Variants in FHIT observed in about 807,000 individuals in gnomAD.
The protein encoded by FHIT is bis(5'-adenosyl)-triphosphatase.
FHIT carries 19 observed loss-of-function variants against 17.9 expected under a neutral mutation model. The observed-to-expected ratio is 1.06, with a 90% CI of 0.74 to 1.56. FHIT has a LOEUF of 1.56. Among genes scored for constraint, FHIT ranks in the 40% most tolerant of loss-of-function variants. The pLI, the probability that FHIT is intolerant of heterozygous loss-of-function variation, is 0.00. For missense variants in FHIT, 248 were observed against 189.2 expected (o/e 1.31, Z -1.82); for synonymous variants, 81 against 69.7 (o/e 1.16, Z -0.81).
At chr3:60,954,257 T>C (rs1419198101) in intron 3 of FHIT, among the ~76,000 whole-genome samples, 2 of 152,256 alleles carry the variant, frequency 1.3e-5, no homozygotes, top group South Asian at 4.1e-4. Flanking sequence ...GTTATTTATA[T>C]ACTATCATAT....
At chr3:61,148,800 A>G (rs1200036615) in intron 2 of FHIT, among the ~76,000 whole-genome samples, 1 of 152,318 alleles carries the variant, frequency 6.6e-6, no homozygotes, top group East Asian at 1.9e-4. Context: ...TTTTAACAGT[A>G]TATTTAAAAA....
chr3:60,562,366 A>C (rs779916542), intron 4 of FHIT, among the ~76,000 whole-genome samples: 1 of 152,152 alleles, frequency 6.6e-6, no homozygotes, highest in Non-Finnish European at 1.5e-5. Context: ...GGATAATGCC[A>C]TTGAGAGTGA....
At chr3:60,777,630 A>G (rs1553724790) in intron 4 of FHIT, among the ~76,000 whole-genome samples, 1 of 152,266 alleles carries the variant, frequency 6.6e-6, no homozygotes, top group Non-Finnish European at 1.5e-5. Flanking sequence ...GGGATTCTCT[A>G]TAAAATGTGG....
chr3:60,506,773 G>A (rs1289106512), intron 5 of FHIT, among the ~76,000 whole-genome samples: 1 of 152,152 alleles, frequency 6.6e-6, no homozygotes, highest in Non-Finnish European at 1.5e-5. Context: ...AGACAATGGA[G>A]CAGACCCAAA....
chr3:60,681,586 G>A (rs559253580), intron 4 of FHIT, among the ~76,000 whole-genome samples: 1 of 152,270 alleles, frequency 6.6e-6, no homozygotes, highest in South Asian at 2.1e-4. Context: ...GCCAAGTTGT[G>A]AATGCAAAGG....
intron 2 of FHIT, among the ~76,000 whole-genome samples, chr3:61,048,898 T>A (rs1382037062): frequency 6.6e-6 from 1 of 151,988 alleles, no homozygotes; most frequent in African/African-American, 2.4e-5. Flanking sequence ...AACCGCATGT[T>A]CTCACTCATA....
chr3:61,146,217 G>T (rs2037222045), intron 2 of FHIT, among the ~76,000 whole-genome samples: 1 of 151,988 alleles, frequency 6.6e-6, no homozygotes, highest in Admixed American at 6.6e-5. Context: ...AAACTCTTCT[G>T]CCTAGCATTA....
chr3:60,785,559 G>C (rs1449632459), intron 4 of FHIT, among the ~76,000 whole-genome samples: 1 of 152,148 alleles, frequency 6.6e-6, no homozygotes, highest in African/African-American at 2.4e-5. Context: ...GTTGACCTTG[G>C]TGTCCTCTAA....
At chr3:60,118,698 A>G (rs938074461) in intron 5 of FHIT, among the ~76,000 whole-genome samples, 1 of 148,522 alleles carries the variant, frequency 6.7e-6, no homozygotes, top group African/African-American at 2.5e-5. Flanking sequence ...GCAATAAACT[A>G]GAAGTTAGTA....
chr3:60,075,316 C>G (rs1241273490), intron 5 of FHIT, among the ~76,000 whole-genome samples: 2 of 152,008 alleles, frequency 1.3e-5, no homozygotes, highest in Non-Finnish European at 2.9e-5. Context: ...TGTGACAGTA[C>G]AGTTCCTCAG....
At chr3:60,394,002 G>A (rs1379727433) in intron 5 of FHIT, among the ~76,000 whole-genome samples, 2 of 152,154 alleles carry the variant, frequency 1.3e-5, no homozygotes, top group Admixed American at 6.6e-5. Context: ...AAACTCTGGA[G>A]AATGGACGGG....
intron 2 of FHIT, among the ~76,000 whole-genome samples, chr3:61,153,360 A>G (rs1316875601): frequency 6.6e-6 from 1 of 152,222 alleles, no homozygotes; most frequent in Non-Finnish European, 1.5e-5. Flanking sequence ...ACATTAAAAT[A>G]TGGAAAATCC....
chr3:61,195,529 C>G (rs574626179), intron 2 of FHIT, among the ~76,000 whole-genome samples: 13 of 152,240 alleles, frequency 8.5e-5, no homozygotes, highest in African/African-American at 3.1e-4. Flanking sequence ...CAGAAGTTCT[C>G]AAACCTGCTG....
At position 60,787,908 on chromosome 3, in the gene FHIT, C is replaced by T. The variant is rs185156958; in HGVS notation, c.-18+34011G>A. ...TCTTTTGCATTTTTGTACATAATGG[C>T]CCCAAAAGAACAGTGCTGAAGTGCT... On this transcript the variant is annotated intron_variant, in intron 4 of 9. Transcript: ENST00000492590. Among the ~76,000 whole-genome samples, 5 of 152,110 alleles carry T rather than the reference C, an allele frequency of 3.3e-5. No homozygotes were observed. The East Asian group carries it at 9.7e-4, about 29-fold the overall frequency.
At chr3:60,961,132 G>A (rs577969611) in intron 3 of FHIT, among the ~76,000 whole-genome samples, 20 of 152,168 alleles carry the variant, frequency 1.3e-4, no homozygotes, top group Non-Finnish European at 2.6e-4. Context: ...ATTCTAAATG[G>A]TGTGAGATGG....
At chr3:60,078,696 T>C (rs1207854555) in intron 5 of FHIT, among the ~76,000 whole-genome samples, 2 of 152,064 alleles carry the variant, frequency 1.3e-5, no homozygotes, top group Admixed American at 6.6e-5. Flanking sequence ...CTTGTTTAAA[T>C]ACACTAAAGG....
chr3:60,856,607 AAAGTGATCTTTT>A (rs1703396820), intron 3 of FHIT: 1 of 152,136 alleles, frequency 6.6e-6, no homozygotes, highest in Non-Finnish European at 1.5e-5. Flanking sequence ...TATAATCTTC[AAAGTGATCTTTT>A]AAAGATCCAA....
chr3:60,048,092 T>C (rs61120610), intron 5 of FHIT, among the ~76,000 whole-genome samples: 7,654 of 152,316 alleles, frequency 0.05, 276 homozygotes, highest in South Asian at 0.15. Context: ...TATGCCTTTG[T>C]GTGTCCTAAT....
At chr3:60,789,607 T>C (rs1256234624) in intron 4 of FHIT, among the ~76,000 whole-genome samples, 1 of 152,196 alleles carries the variant, frequency 6.6e-6, no homozygotes, top group African/African-American at 2.4e-5. Context: ...GTCTGTATGG[T>C]GGGCAGCAAT....
Sources: allele counts gnomAD v4.1 joint callset (sites outside exome capture counted in the v4.1 genomes callset), GRCh38; gene constraint gnomAD v4.1.1; transcripts MANE v1.5; gene names NCBI Gene and HGNC (gene_info 2026-07-23, HGNC 2026-07-21).